The following CHRDL2 variants were observed in gnomAD, a reference collection of about 807,000 sequenced individuals.
The protein encoded by CHRDL2 is chordin-like protein 2.
CHRDL2 carries 41 observed loss-of-function variants against 54.3 expected under a neutral mutation model. That is an observed-to-expected ratio of 0.76 (90% CI 0.59 to 0.98). The LOEUF (loss-of-function observed/expected upper bound fraction) is 0.98. CHRDL2 is among the 50% of genes least tolerant of loss of function. The pLI, the probability that CHRDL2 is intolerant of heterozygous loss-of-function variation, is 0.00. For missense variants in CHRDL2, 518 were observed against 562.4 expected, an observed-to-expected ratio of 0.92 and a Z score of 0.80; for synonymous variants, 220 against 224.3, an observed-to-expected ratio of 0.98 and a Z score of 0.17.
intron 9 of CHRDL2, chr11:74,698,292 T>C (rs1301592408): frequency 3.3e-5 from 5 of 150,102 alleles, no homozygotes; most frequent in Non-Finnish European, 7.4e-5. Flanking sequence ...CATGCTAAAC[T>C]CCTGACCTCA....
At chr11:74,705,850 T>A (rs2135245199) in intron 6 of CHRDL2, among the ~76,000 whole-genome samples, 1 of 151,992 alleles carries the variant, frequency 6.6e-6, no homozygotes, top group Non-Finnish European at 1.5e-5. Flanking sequence ...TTCTGGGGAA[T>A]CTCTGGGAAG....
At chr11:74,713,629 C>T in intron 2 of CHRDL2, 150 bp from the exon 3 acceptor site, 2 of 630,410 alleles carry the variant, frequency 3.2e-6, no homozygotes, top group South Asian at 1.9e-5. Flanking sequence ...GTGCCCGGTT[C>T]CTCCCCATTC....
At chr11:74,715,442 A>G (rs1425233478) in intron 2 of CHRDL2, among the ~76,000 whole-genome samples, 1 of 151,930 alleles carries the variant, frequency 6.6e-6, no homozygotes, top group Non-Finnish European at 1.5e-5. Flanking sequence ...CGTCTCTACT[A>G]AAAATACAAA....
Position 74,725,979 on chromosome 11 carries a change from GAGGCCTCTTA to G in CHRDL2, c.82+4818_82+4827del, listed in dbSNP as rs1401809516. Among the ~76,000 whole-genome samples, 17 of 152,334 alleles carry G rather than the reference GAGGCCTCTTA, an allele frequency of 1.1e-4. No individual in the cohort carries two copies. The South Asian group carries it at 2.7e-3, about 24-fold the overall frequency. On this transcript the variant is annotated intron_variant, in intron 1 of 10. Transcript: ENST00000376332. ...CTCTGGGCTCTGGCACCCGGTGGGA[GAGGCCTCTTA>G]AGGAAATCAGAAGAAAAGCCTCAGC...
intron 3 of CHRDL2, among the ~76,000 whole-genome samples, chr11:74,711,749 A>C (rs2034198180): frequency 6.6e-6 from 1 of 151,928 alleles, no homozygotes; most frequent in South Asian, 2.1e-4. Context: ...CTGAGGTGGG[A>C]GGATCACTTG....
intron 2 of CHRDL2, 98 bp from the exon 3 acceptor site, chr11:74,713,577 G>C (rs2034263738): frequency 1.1e-6 from 1 of 896,676 alleles, no homozygotes; most frequent in Non-Finnish European, 1.8e-6. Context: ...GCAGAAGTCT[G>C]AACTTGTCGT....
intron 4 of CHRDL2, among the ~76,000 whole-genome samples, chr11:74,708,759 T>C (rs1331849430): frequency 6.6e-6 from 1 of 152,196 alleles, no homozygotes. Flanking sequence ...TCTTCAAGCT[T>C]TTCCCACTGA....
At chr11:74,719,748 C>T (rs56306513) in intron 1 of CHRDL2, among the ~76,000 whole-genome samples, 2 of 152,190 alleles carry the variant, frequency 1.3e-5, no homozygotes, top group Admixed American at 6.5e-5. Flanking sequence ...TTACTAAAAT[C>T]GTTTGTTCCA....
chr11:74,713,322 T>C lies in CHRDL2; in HGVS notation c.289+64A>G. 4.2e-6 allele frequency: 6 copies of C among 1,423,048 alleles called. No homozygotes were observed. The Admixed American group carries it at 1.0e-4, about 24-fold the overall frequency. The allele number at this position is 1,423,048 out of a possible 1,614,324, so 88.2% of individuals were successfully genotyped here. On this transcript the variant is annotated intron_variant, in intron 3 of 10. Transcript: ENST00000376332. Reference sequence around the variant, plus strand: ...TCTCCTTGCAGGGGTCTCCCTCAGCTAGAGGGCTACACTGGGAGTAGGAGA... The same window carrying C: ...TCTCCTTGCAGGGGTCTCCCTCAGCCAGAGGGCTACACTGGGAGTAGGAGA...
rs2033864551 is a variant in CHRDL2 at position 74,702,794 on chromosome 11, CT to C, written c.1119del (p.Gly374GlufsTer5). 1.9e-6 allele frequency: 3 copies of C among 1,614,016 alleles called. No individual in the cohort carries two copies. Among genetic ancestry groups the C allele is most frequent in the Non-Finnish European group, 2.5e-6 (3 of 1,179,982 alleles). On this transcript the variant is annotated frameshift_variant and splice_region_variant, in exon 9 of 11. Coordinates refer to ENST00000376332, the MANE Select transcript of CHRDL2 (RefSeq NM_001278473.3). LOFTEE classifies it high-confidence loss of function. ...CCACTGGGAGTGGGCCAGCACTCAC[CT>C]TTTACCAGCTTCCAGAGGTAGATCT... is the stretch of plus-strand genomic sequence containing the variant. Reference protein sequence around the residue: ...LVEIYLWKLVKGIFHLTQIKK... With the variant: ...LVEIYLWKLVXGIFHLTQIKK...
rs142054381 is a variant in CHRDL2 at position 74,708,765 on chromosome 11, A to G, written c.433-370T>C. Among the ~76,000 whole-genome samples, 573 of 152,186 alleles carry G rather than the reference A, an allele frequency of 3.8e-3. 8 individuals carry two copies. The highest frequency in any genetic ancestry group is 0.013 in the African/African-American group (559 of 41,524). On this transcript the variant is annotated intron_variant, in intron 4 of 10. Coordinates refer to ENST00000376332, the MANE Select transcript of CHRDL2 (RefSeq NM_001278473.3). ...GGGGCCCAGTCTTCAAGCTTTTCCCACTGAAATCAACATCATGGGAGGGGG... is the reference window on the plus strand; with the variant it reads ...GGGGCCCAGTCTTCAAGCTTTTCCCGCTGAAATCAACATCATGGGAGGGGG...
chr11:74,730,892 T>C lies in CHRDL2; in HGVS notation c.-4A>G, dbSNP rs1460695670. 1.2e-6 allele frequency: 2 copies of C among 1,606,438 alleles called. No individual in the cohort carries two copies. The highest frequency in any genetic ancestry group is 3.4e-5 in the Admixed American group (2 of 59,034). On this transcript the variant is annotated 5_prime_UTR_variant, in exon 1 of 11. Transcript: ENST00000376332. Reference sequence around the variant, plus strand: ...GGACCCTCACCTCGGGAACCATCCTTTCCCCAGGGTCAGGCCGCTGGTCCG... The same window carrying C: ...GGACCCTCACCTCGGGAACCATCCTCTCCCCAGGGTCAGGCCGCTGGTCCG...
At chr11:74,707,044 T>G (rs959049575) in intron 5 of CHRDL2, among the ~76,000 whole-genome samples, 1 of 152,144 alleles carries the variant, frequency 6.6e-6, no homozygotes, top group African/African-American at 2.4e-5. Context: ...CTGAGCACCC[T>G]GCCAGTCCCT....
Position 74,731,285 on chromosome 11 carries a change from AGAG to A in CHRDL2, c.-400_-398del, listed in dbSNP as rs2034650330. 1.3e-5 allele frequency: 2 copies of A among 150,346 alleles called. No homozygotes were observed. The highest frequency in any genetic ancestry group is 4.9e-5 in the African/African-American group (2 of 41,182). 9.3% of individuals were successfully genotyped at this position (150,346 alleles called of 1,614,324 possible). On this transcript the variant is annotated 5_prime_UTR_variant, in exon 1 of 11. Coordinates refer to ENST00000376332, the MANE Select transcript of CHRDL2 (RefSeq NM_001278473.3). The surrounding 1 kb of genome is among the most constrained non-coding windows in gnomAD (Gnocchi z 4.4). ...AGCGGGTGTTGCGGGCGCGCGGGCT[AGAG>A]GCGGCCGGCGCCCCCTGCTCGGTGG...
intron 1 of CHRDL2, among the ~76,000 whole-genome samples, chr11:74,724,061 GA>G (rs1345434719): frequency 6.6e-6 from 1 of 152,236 alleles, no homozygotes; most frequent in Non-Finnish European, 1.5e-5. Flanking sequence ...ACAGCCTAGT[GA>G]AGAACACAGA....
intron 3 of CHRDL2, 143 bp from the exon 4 acceptor site, chr11:74,711,134 G>T: frequency 1.1e-6 from 1 of 914,702 alleles, no homozygotes; most frequent in Non-Finnish European, 1.6e-6. Context: ...GGCCTTGCCA[G>T]CCATTCCCCT....
intron 2 of CHRDL2, among the ~76,000 whole-genome samples, chr11:74,717,864 C>T (rs1332921615): frequency 1.3e-5 from 2 of 152,136 alleles, no homozygotes; most frequent in Non-Finnish European, 2.9e-5. Flanking sequence ...ACACTGGGCT[C>T]CAGGCAGCTG....
At chr11:74,697,960 A>T (rs1287052103) in intron 9 of CHRDL2, among the ~76,000 whole-genome samples, 1 of 152,202 alleles carries the variant, frequency 6.6e-6, no homozygotes, top group African/African-American at 2.4e-5. Context: ...CCTGTGCCCT[A>T]GCCCTAACCA....
chr11:74,705,183 G>A (rs1449072928), intron 6 of CHRDL2, among the ~76,000 whole-genome samples: 1 of 152,148 alleles, frequency 6.6e-6, no homozygotes, highest in Non-Finnish European at 1.5e-5. Context: ...TGAAGCTTAG[G>A]CTCTCTTTCC....
Sources: allele counts gnomAD v4.1 joint callset (sites outside exome capture counted in the v4.1 genomes callset), GRCh38; gene constraint gnomAD v4.1.1; non-coding constraint Gnocchi (gnomAD v3.1); transcripts MANE v1.5; gene names NCBI Gene and HGNC (gene_info 2026-07-23, HGNC 2026-07-21).